Variants in VWA3B observed in about 807,000 individuals in gnomAD.
VWA3B encodes the protein von Willebrand factor A domain-containing protein 3B.
VWA3B carries 138 observed loss-of-function variants against 158.3 expected under a neutral mutation model. The observed-to-expected ratio is 0.87, with a 90% CI of 0.76 to 1.00. The LOEUF (loss-of-function observed/expected upper bound fraction) is 1.00, where lower values mean the gene tolerates loss of function less well. VWA3B is among the 50% of genes least tolerant of loss of function. VWA3B has a pLI of 0.00. For synonymous variants in VWA3B, 596 were observed against 587.3 expected, an observed-to-expected ratio of 1.01 and a Z score of -0.21; for missense variants, 1,555 against 1,565.1, an observed-to-expected ratio of 0.99 and a Z score of 0.11.
intron 20 of VWA3B, among the ~76,000 whole-genome samples, chr2:98,255,182 ATTTTTT>A (rs769708577): frequency 7.7e-5 from 4 of 52,140 alleles, no homozygotes; most frequent in Non-Finnish European, 1.0e-4. Context: ...CCCGGCTGAT[ATTTTTT>A]TTTTTTTTTT....
intron 2 of VWA3B, among the ~76,000 whole-genome samples, chr2:98,095,200 G>A (rs1486053477): frequency 6.6e-6 from 1 of 152,124 alleles, no homozygotes; most frequent in Non-Finnish European, 1.5e-5. Flanking sequence ...CACTAAATCT[G>A]TAGAGCACTT....
At chr2:98,135,487 C>T (rs1376828646) in intron 7 of VWA3B, among the ~76,000 whole-genome samples, 1 of 150,208 alleles carries the variant, frequency 6.7e-6, no homozygotes, top group African/African-American at 2.4e-5. Flanking sequence ...AGGCGCCCGC[C>T]ACTACGCCCG....
chr2:98,179,007 G>A (rs937253823), intron 8 of VWA3B, among the ~76,000 whole-genome samples: 3 of 152,168 alleles, frequency 2.0e-5, no homozygotes, highest in Non-Finnish European at 4.4e-5. Context: ...TTCCAGTGGT[G>A]TGCAAATGTT....
At chr2:98,124,635 G>A (rs1429872445) in intron 5 of VWA3B, among the ~76,000 whole-genome samples, 2 of 152,194 alleles carry the variant, frequency 1.3e-5, no homozygotes, top group African/African-American at 2.4e-5. Context: ...AAAGGTGTAC[G>A]CAGAACAAGA....
At chr2:98,147,593 A>G (rs1677269540) in intron 7 of VWA3B, among the ~76,000 whole-genome samples, 1 of 152,196 alleles carries the variant, frequency 6.6e-6, no homozygotes, top group East Asian at 1.9e-4. Flanking sequence ...AAAGTTCTAT[A>G]TTAGAGTTTT....
chr2:98,262,205 C>T (rs1203989141), intron 21 of VWA3B, among the ~76,000 whole-genome samples: 1 of 151,700 alleles, frequency 6.6e-6, no homozygotes, highest in Non-Finnish European at 1.5e-5. Flanking sequence ...GATTTGCATA[C>T]ACTTTCTCCC....
At chr2:98,131,190 G>C (rs1016591607) in intron 6 of VWA3B, among the ~76,000 whole-genome samples, 1 of 152,144 alleles carries the variant, frequency 6.6e-6, no homozygotes, top group African/African-American at 2.4e-5. Context: ...CTACCCATGA[G>C]TGAGAACATG....
At chr2:98,173,954 G>C (rs558935255) in intron 8 of VWA3B, among the ~76,000 whole-genome samples, 10 of 147,470 alleles carry the variant, frequency 6.8e-5, no homozygotes. Flanking sequence ...GCGACAGAGC[G>C]AGACTCTGTC....
chr2:98,170,762 A>G (rs71429385), intron 8 of VWA3B, among the ~76,000 whole-genome samples: 2 of 152,008 alleles, frequency 1.3e-5, no homozygotes, highest in African/African-American at 2.4e-5. Context: ...GTGCGCCACC[A>G]TGCCCAACTA....
chr2:98,176,972 G>T (rs1045376164), intron 8 of VWA3B, among the ~76,000 whole-genome samples: 1 of 152,152 alleles, frequency 6.6e-6, no homozygotes, highest in Non-Finnish European at 1.5e-5. Flanking sequence ...GGCTAGCGTG[G>T]CAGGAATGAG....
chr2:98,250,651 G>A (rs892256497), intron 20 of VWA3B, among the ~76,000 whole-genome samples: 1 of 151,728 alleles, frequency 6.6e-6, no homozygotes, highest in African/African-American at 2.4e-5. Context: ...AGACCAGACT[G>A]GGCAACAATA....
At chr2:98,179,312 G>T (rs559442238) in intron 8 of VWA3B, 2 of 471,112 alleles carry the variant, frequency 4.2e-6, no homozygotes, top group South Asian at 3.1e-5. Context: ...GGCTTGTCCC[G>T]CTCAGGTAAC....
intron 12 of VWA3B, among the ~76,000 whole-genome samples, chr2:98,197,852 C>T (rs1033922165): frequency 6.6e-6 from 1 of 152,076 alleles, no homozygotes; most frequent in Non-Finnish European, 1.5e-5. Flanking sequence ...TCCACCACTA[C>T]TCCAAGGAAC....
At chr2:98,160,113 G>A (rs552712513) in intron 7 of VWA3B, among the ~76,000 whole-genome samples, 24 of 152,040 alleles carry the variant, frequency 1.6e-4, no homozygotes, top group East Asian at 5.8e-4. Context: ...TCTGAACAGC[G>A]GGGTTTCCTG....
intron 2 of VWA3B, among the ~76,000 whole-genome samples, chr2:98,115,149 T>C (rs1674428683): frequency 6.6e-6 from 1 of 151,132 alleles, no homozygotes; most frequent in African/African-American, 2.4e-5. Flanking sequence ...TGGACCAAAG[T>C]ACAAGGAAAC....
chr2:98,142,700 C>T (rs1676875409), intron 7 of VWA3B, among the ~76,000 whole-genome samples: 1 of 152,158 alleles, frequency 6.6e-6, no homozygotes, highest in South Asian at 2.1e-4. Context: ...GATGGCTCTT[C>T]TGTGGAGGTG....
At chr2:98,304,045 T>C (rs1309464903) in intron 26 of VWA3B, among the ~76,000 whole-genome samples, 1 of 152,192 alleles carries the variant, frequency 6.6e-6, no homozygotes, top group Non-Finnish European at 1.5e-5. Context: ...AGGAAAGCAT[T>C]CATGAATATG....
At chr2:98,153,131 A>T (rs1253059059) in intron 7 of VWA3B, among the ~76,000 whole-genome samples, 1 of 152,188 alleles carries the variant, frequency 6.6e-6, no homozygotes, top group East Asian at 1.9e-4. Context: ...ATCTCCTCTC[A>T]GCTCAGCCCT....
chr2:98,330,085 T>G, the VWA3B span, among the ~76,000 whole-genome samples: 3 of 152,228 alleles, frequency 2.0e-5, no homozygotes, highest in African/African-American at 7.2e-5. Context: ...CTGGGACTGC[T>G]GCTCTCACGT....
Sources: gnomAD v4.1 joint callset for allele counts (sites outside exome capture counted in the v4.1 genomes callset) on GRCh38, gnomAD v4.1.1 for gene constraint, MANE v1.5 for transcripts, NCBI Gene and HGNC (gene_info 2026-07-23, HGNC 2026-07-21) for gene names.